The following BAZ2B variants were observed in gnomAD, a reference collection of about 807,000 sequenced individuals.
BAZ2B encodes the protein bromodomain adjacent to zinc finger domain protein 2B.
BAZ2B carries 91 observed loss-of-function variants against 246.0 expected under a neutral mutation model. The ratio of observed to expected loss-of-function variants is 0.37; its 90% CI spans 0.31 to 0.44. The LOEUF (loss-of-function observed/expected upper bound fraction) is 0.44. BAZ2B is among the 20% of genes least tolerant of loss of function. The pLI, the probability that BAZ2B is intolerant of heterozygous loss-of-function variation, is 1.00. For synonymous variants in BAZ2B, 855 were observed against 860.0 expected, an observed-to-expected ratio of 0.99 and a Z score of 0.10; for missense variants, 2,332 against 2,533.7, an observed-to-expected ratio of 0.92 and a Z score of 1.71.
chr2:159,493,279 A>G (rs991042420), intron 2 of BAZ2B, among the ~76,000 whole-genome samples: 5 of 152,224 alleles, frequency 3.3e-5, no homozygotes, highest in African/African-American at 1.2e-4. Flanking sequence ...AAAATTTAAA[A>G]GTCACACTAG....
At chr2:159,462,184 G>A (rs558583421) in intron 3 of BAZ2B, 213 of 418,008 alleles carry the variant, frequency 5.1e-4, no homozygotes, top group Non-Finnish European at 8.7e-4. Context: ...CTTACACTTG[G>A]ATATAGCAAT....
At chr2:159,464,219 T>C (rs931476927) in intron 3 of BAZ2B, 4 of 152,198 alleles carry the variant, frequency 2.6e-5, no homozygotes, top group African/African-American at 7.2e-5. Flanking sequence ...TTCCCACCAA[T>C]GTCACTTCTC....
chr2:159,391,295 T>C (rs2063303913), intron 20 of BAZ2B, among the ~76,000 whole-genome samples: 1 of 152,194 alleles, frequency 6.6e-6, no homozygotes, highest in Non-Finnish European at 1.5e-5. Flanking sequence ...GTCTATGCCA[T>C]ATAGCCCAGA....
the BAZ2B span, among the ~76,000 whole-genome samples, chr2:159,647,852 A>T: frequency 1.3e-5 from 2 of 152,186 alleles, no homozygotes; most frequent in African/African-American, 4.8e-5. Context: ...TACTTTATGC[A>T]ATTATTCATA....
rs1351460568 is a variant in BAZ2B, at chr2:159,348,785, G to A, written c.5186C>T (p.Ala1729Val). ...WRIIDPEDLKALLKVLHLRGI... is the reference protein window; with the variant it reads ...WRIIDPEDLKVLLKVLHLRGI... ...TCTGAGATGCAGCACTTTGAGCAAA[G>A]CTTTTAGGTCCTCTGGGTCAATAAT... Residue 1729 changes from alanine to valine, a missense_variant, in exon 30 of 37, where the codon GCT (alanine) becomes GTT (valine). Ala to Val is a moderately conservative substitution (Grantham distance 64, BLOSUM62 0). Coordinates refer to ENST00000392783, the MANE Select transcript of BAZ2B (RefSeq NM_013450.4). 1.2e-6 allele frequency: 2 copies of A among 1,612,666 alleles called. No individual in the cohort carries two copies. The highest frequency in any genetic ancestry group is 2.2e-5 in the South Asian group (2 of 90,564).
chr2:159,388,769 C>T (rs1298209512), intron 21 of BAZ2B, among the ~76,000 whole-genome samples: 2 of 151,956 alleles, frequency 1.3e-5, no homozygotes, highest in Admixed American at 1.3e-4. Flanking sequence ...ATTTAAATAT[C>T]CATAGGGATG....
intron 2 of BAZ2B, among the ~76,000 whole-genome samples, chr2:159,548,827 C>A (rs1008515798): frequency 6.6e-6 from 1 of 151,800 alleles, no homozygotes; most frequent in Non-Finnish European, 1.5e-5. Flanking sequence ...CAAAGAAAAA[C>A]CCCACTAAAA....
the BAZ2B span, among the ~76,000 whole-genome samples, chr2:159,709,745 C>T: frequency 6.6e-6 from 1 of 152,094 alleles, no homozygotes; most frequent in Admixed American, 6.5e-5. Flanking sequence ...GAGGGGAAAA[C>T]AAGAACTTTG....
the BAZ2B span, among the ~76,000 whole-genome samples, chr2:159,684,499 T>C: frequency 6.6e-6 from 1 of 152,214 alleles, no homozygotes; most frequent in South Asian, 2.1e-4. Context: ...TTGGACAATA[T>C]TGTCTACACA....
At chr2:159,626,067 C>G in the BAZ2B span, among the ~76,000 whole-genome samples, 1 of 150,358 alleles carries the variant, frequency 6.7e-6, no homozygotes. Context: ...TAACAAAGAT[C>G]AAAAGAGACA....
At chr2:159,644,213 T>C in the BAZ2B span, among the ~76,000 whole-genome samples, 3 of 152,218 alleles carry the variant, frequency 2.0e-5, no homozygotes, top group African/African-American at 7.2e-5. Flanking sequence ...ACAAGCTATA[T>C]GCTTCAAAAA....
At chr2:159,397,148 C>T (rs1406155121) in intron 19 of BAZ2B, 197 bp downstream of exon 19, 1 of 1,472,756 alleles carries the variant, frequency 6.8e-7, no homozygotes, top group Admixed American at 2.1e-5. Context: ...ATCACAGAGT[C>T]ATAAAACCAA....
At chr2:159,621,265 G>A (rs907237816), upstream of BAZ2B, among the ~76,000 whole-genome samples, 5 of 152,110 alleles carry the variant, frequency 3.3e-5, no homozygotes, top group Non-Finnish European at 7.4e-5. Flanking sequence ...TGTCCCCAGT[G>A]TCCAGAATTC....
At chr2:159,353,742 A>G (rs531241523) in intron 27 of BAZ2B, among the ~76,000 whole-genome samples, 1 of 152,294 alleles carries the variant, frequency 6.6e-6, no homozygotes, top group South Asian at 2.1e-4. Flanking sequence ...AAACCTCAAG[A>G]TTCATAGGCA....
intron 27 of BAZ2B, among the ~76,000 whole-genome samples, chr2:159,357,760 A>T (rs2059266516): frequency 6.6e-6 from 1 of 152,234 alleles, no homozygotes; most frequent in Admixed American, 6.5e-5. Context: ...GACTAACAGT[A>T]GATCTCTCTG....
Position 159,439,108 on chromosome 2 carries a change from A to G in BAZ2B, c.801T>C (p.Asp267=), listed in dbSNP as rs1334103359. 6.2e-7 allele frequency: 1 copy of G among 1,613,760 alleles called. No individual in the cohort carries two copies. Among genetic ancestry groups the G allele is most frequent in the Non-Finnish European group, 8.5e-7 (1 of 1,179,918 alleles). Residue 267 remains aspartate (D), a synonymous_variant, in exon 7 of 37, where the codon GAT becomes GAC. Coordinates refer to ENST00000392783, the MANE Select transcript of BAZ2B (RefSeq NM_013450.4). ...SEGISSSDSD[D]LEEDEEEEDQ... ...CTTCTTCTTCTTCATCTTCTTCTAG[A>G]TCATCTGAATCACTGCTACTAATGC... is the stretch of plus-strand genomic sequence containing the variant.
chr2:159,653,333 T>C, the BAZ2B span, among the ~76,000 whole-genome samples: 1 of 152,218 alleles, frequency 6.6e-6, no homozygotes, highest in Admixed American at 6.5e-5. Flanking sequence ...ACACGTGATA[T>C]TACTATTCTT....
the BAZ2B span, among the ~76,000 whole-genome samples, chr2:159,698,900 T>C: frequency 6.6e-6 from 1 of 152,264 alleles, no homozygotes. Flanking sequence ...CAATATTTAC[T>C]CTGTCTAAAA....
the BAZ2B span, among the ~76,000 whole-genome samples, chr2:159,625,224 A>C: frequency 1.3e-5 from 2 of 152,168 alleles, no homozygotes; most frequent in Admixed American, 1.3e-4. Flanking sequence ...TGAAAATAAC[A>C]GAGAGAATAG....
Sources: allele counts gnomAD v4.1 joint callset (sites outside exome capture counted in the v4.1 genomes callset), GRCh38; gene constraint gnomAD v4.1.1; transcripts MANE v1.5; gene names NCBI Gene and HGNC (gene_info 2026-07-23, HGNC 2026-07-21).